Variants in ATXN7L1 observed in about 807,000 individuals in gnomAD.
ATXN7L1 encodes the protein ataxin-7-like protein 1.
In ATXN7L1, 15 loss-of-function variants were observed where a neutral mutation model predicts 70.8. The observed-to-expected ratio is 0.21, with a 90% CI of 0.14 to 0.33. ATXN7L1 has a LOEUF of 0.33. Among genes scored for constraint, ATXN7L1 ranks in the 10% least tolerant of loss-of-function variants. The probability of loss-of-function intolerance (pLI) is 1.00; values close to 1 mark genes in which losing one functional copy is unlikely to be tolerated. For missense variants in ATXN7L1, 975 were observed against 1,097.1 expected, an observed-to-expected ratio of 0.89 and a Z score of 1.57; for synonymous variants, 440 against 445.1, an observed-to-expected ratio of 0.99 and a Z score of 0.14.
chr7:105,608,599 C>T (rs898256362), intron 11 of ATXN7L1, among the ~76,000 whole-genome samples: 2 of 152,090 alleles, frequency 1.3e-5, no homozygotes, highest in Non-Finnish European at 2.9e-5. Flanking sequence ...CACATGACAA[C>T]CTCTACAAGA....
intron 3 of ATXN7L1, among the ~76,000 whole-genome samples, chr7:105,748,286 G>A (rs910482648): frequency 6.6e-6 from 1 of 152,210 alleles, no homozygotes; most frequent in African/African-American, 2.4e-5. Flanking sequence ...AAGGGACAAA[G>A]GGCAGCGGTG....
intron 3 of ATXN7L1, among the ~76,000 whole-genome samples, chr7:105,787,430 C>T (rs1804471223): frequency 6.6e-6 from 1 of 152,164 alleles, no homozygotes; most frequent in South Asian, 2.1e-4. Context: ...CCCAGAGGTG[C>T]TCCGTAAGCC....
intron 2 of ATXN7L1, among the ~76,000 whole-genome samples, chr7:105,794,437 G>A (rs374624558): frequency 1.3e-5 from 2 of 152,180 alleles, no homozygotes; most frequent in Non-Finnish European, 1.5e-5. Context: ...GATGGAAATC[G>A]GCATCCACTA....
intron 7 of ATXN7L1, among the ~76,000 whole-genome samples, chr7:105,629,976 C>A (rs1420248723): frequency 6.6e-6 from 1 of 152,056 alleles, no homozygotes; most frequent in Non-Finnish European, 1.5e-5. Flanking sequence ...CACCACCACA[C>A]CTGGCTAATT....
chr7:105,637,557 C>A (rs1175281092), intron 7 of ATXN7L1, among the ~76,000 whole-genome samples: 1 of 152,212 alleles, frequency 6.6e-6, no homozygotes, highest in African/African-American at 2.4e-5. Flanking sequence ...GAGTACCTAA[C>A]ATGGAATCTT....
At chr7:105,668,726 T>A (rs1803040447) in intron 3 of ATXN7L1, among the ~76,000 whole-genome samples, 1 of 151,990 alleles carries the variant, frequency 6.6e-6, no homozygotes, top group African/African-American at 2.4e-5. Context: ...CTGGCCCCGG[T>A]TACTTACTAA....
intron 7 of ATXN7L1, among the ~76,000 whole-genome samples, chr7:105,635,068 G>A (rs1171158558): frequency 3.3e-5 from 5 of 152,166 alleles, no homozygotes; most frequent in South Asian, 2.1e-4. Flanking sequence ...CACTGCCCTC[G>A]TCAGTCTAAG....
At chr7:105,846,198 T>G (rs1814015261) in intron 2 of ATXN7L1, among the ~76,000 whole-genome samples, 1 of 152,120 alleles carries the variant, frequency 6.6e-6, no homozygotes, top group Non-Finnish European at 1.5e-5. Flanking sequence ...AAAGAATTCT[T>G]AAAACTTAAA....
At chr7:105,735,609 C>G (rs1797289020) in intron 3 of ATXN7L1, among the ~76,000 whole-genome samples, 1 of 152,152 alleles carries the variant, frequency 6.6e-6, no homozygotes, top group African/African-American at 2.4e-5. Flanking sequence ...GGCCTACTAC[C>G]CAGTTTCAAC....
In ATXN7L1 at chr7:105,642,857, C is replaced by T; in HGVS notation, c.843G>A (p.Lys281=). ...KHQNGTKNSN[K]PYRRLSEREF... Reference sequence around the variant, plus strand: ...ACATACCTGAAAGTCTCCTGTAAGGCTTGTTGCTGTTTTTGGTGCCATTTT... The same window carrying T: ...ACATACCTGAAAGTCTCCTGTAAGGTTTGTTGCTGTTTTTGGTGCCATTTT... The change falls in exon 5 of 12, where the codon AAG becomes AAA. Residue 281 remains lysine, a synonymous_variant. Coordinates refer to ENST00000419735, the MANE Select transcript of ATXN7L1 (RefSeq NM_020725.2). 2.6e-6 allele frequency: 4 copies of T among 1,551,588 alleles called. No individual in the cohort carries two copies. In the Admixed American group the frequency reaches 7.8e-5, roughly 30 times the overall value.
chr7:105,851,550 G>C (rs1814881042), intron 2 of ATXN7L1, among the ~76,000 whole-genome samples: 1 of 152,210 alleles, frequency 6.6e-6, no homozygotes, highest in South Asian at 2.1e-4. Flanking sequence ...CTCTTCCTCA[G>C]GAGATTTGCA....
chr7:105,733,925 T>C, intron 3 of ATXN7L1, among the ~76,000 whole-genome samples: 1 of 124,096 alleles, frequency 8.1e-6, no homozygotes, highest in African/African-American at 3.2e-5. Context: ...CATCCATCCA[T>C]CATCCATCAT....
chr7:105,690,125 C>T (rs1251838291), intron 3 of ATXN7L1, among the ~76,000 whole-genome samples: 1 of 152,212 alleles, frequency 6.6e-6, no homozygotes, highest in African/African-American at 2.4e-5. Flanking sequence ...CTGCCTCAGC[C>T]TCCCGAGTAG....
chr7:105,753,809 C>T (rs947165977), intron 3 of ATXN7L1, among the ~76,000 whole-genome samples: 3 of 152,200 alleles, frequency 2.0e-5, no homozygotes, highest in South Asian at 4.1e-4. Flanking sequence ...GGTATGTTCA[C>T]TATTTATGGG....
At chr7:105,772,063 A>ATTTTTTTTT (rs533366742) in intron 3 of ATXN7L1, among the ~76,000 whole-genome samples, 2 of 99,826 alleles carry the variant, frequency 2.0e-5, no homozygotes, top group African/African-American at 4.7e-5. Context: ...TCAGATTGGA[A>ATTTTTTTTT]TTTTTTTTTT....
Position 105,731,976 on chromosome 7 carries a change from C to A in ATXN7L1, c.355+56628G>T, listed in dbSNP as rs1315213177. Among the ~76,000 whole-genome samples the A allele has an allele frequency of 2.6e-5, 4 of 151,882 alleles. No homozygotes were observed. In the East Asian group the frequency reaches 7.8e-4, roughly 30 times the overall value. On this transcript the variant is annotated intron_variant, in intron 3 of 11. Transcript: ENST00000419735. ...GGCATGGTAGCGGGCGCCTGTAATC[C>A]CAGCTTTTCGGGAGGCTGAGGAAGG...
intron 4 of ATXN7L1, among the ~76,000 whole-genome samples, chr7:105,658,198 C>T (rs546990679): frequency 1.1e-4 from 15 of 141,058 alleles, no homozygotes; most frequent in African/African-American, 4.1e-4. Flanking sequence ...GCCTGGGCGA[C>T]AGAGCTATAC....
intron 2 of ATXN7L1, chr7:105,819,752 T>G (rs985756786): frequency 2.2e-5 from 16 of 738,710 alleles, no homozygotes; most frequent in Non-Finnish European, 3.7e-5. Context: ...CGAGGCATGT[T>G]GCCCCACAAG....
intron 2 of ATXN7L1, among the ~76,000 whole-genome samples, chr7:105,847,217 C>A (rs1415233752): frequency 1.3e-5 from 2 of 152,282 alleles, no homozygotes; most frequent in East Asian, 3.9e-4. Context: ...TGAAAAGGCA[C>A]CTCTGAAGAC....
Sources: allele counts gnomAD v4.1 joint callset (sites outside exome capture counted in the v4.1 genomes callset), GRCh38; gene constraint gnomAD v4.1.1; transcripts MANE v1.5; gene names NCBI Gene and HGNC (gene_info 2026-07-23, HGNC 2026-07-21).